Variants in ACCSL observed in about 807,000 individuals in gnomAD.
ACCSL encodes the protein probable inactive 1-aminocyclopropane-1-carboxylate synthase-like protein 2.
ACCSL carries 55 observed loss-of-function variants against 61.7 expected under a neutral mutation model. That is an observed-to-expected ratio of 0.89 (90% CI 0.72 to 1.12). ACCSL has a LOEUF of 1.12. ACCSL is among the 50% of genes most tolerant of loss of function. The probability of loss-of-function intolerance (pLI) is 0.00; values close to 1 mark genes in which losing one functional copy is unlikely to be tolerated. For missense variants in ACCSL, 632 were observed against 698.0 expected, an observed-to-expected ratio of 0.91 and a Z score of 1.07; for synonymous variants, 258 against 264.3, an observed-to-expected ratio of 0.98 and a Z score of 0.23.
the ACCSL span, among the ~76,000 whole-genome samples, chr11:44,032,658 G>A: frequency 9.9e-5 from 15 of 152,150 alleles, no homozygotes; most frequent in Non-Finnish European, 1.6e-4. Flanking sequence ...GGGAGCGGGC[G>A]GATACGTGGG....
the ACCSL span, among the ~76,000 whole-genome samples, chr11:43,994,179 A>G: frequency 6.6e-6 from 1 of 152,200 alleles, no homozygotes; most frequent in South Asian, 2.1e-4. Flanking sequence ...CATTTCTTTT[A>G]TTCACTTAAC....
the ACCSL span, among the ~76,000 whole-genome samples, chr11:44,031,131 C>T: frequency 2.5e-4 from 38 of 152,214 alleles, no homozygotes; most frequent in African/African-American, 8.2e-4. Context: ...TCATGTCCTC[C>T]GTAAAATGGG....
rs11037840 is a variant in ACCSL at position 44,048,169 on chromosome 11, G to A, written c.133G>A (p.Val45Met). 7,268 of 1,614,170 alleles carry A rather than the reference G, an allele frequency of 4.5e-3. 97 individuals carry two copies. The highest frequency in any genetic ancestry group is 0.04 in the East Asian group (1,787 of 44,868). Residue 45 changes from valine to methionine, a missense_variant, in exon 1 of 14, where the codon GTG (valine) becomes ATG (methionine). Val to Met is a conservative substitution (Grantham distance 21, BLOSUM62 1). Transcript: ENST00000378832. The part of the protein sequence containing the change: ...HLQQAMTEHF[V>M]QLTSRQGLSL... The stretch of plus-strand genomic sequence containing the variant: ...GCAGCAGGCCATGACGGAGCACTTC[G>A]TGCAGCTGACGAGCAGACAGGGCCT...
chr11:44,006,580 A>AGG, the ACCSL span, among the ~76,000 whole-genome samples: 1 of 138,374 alleles, frequency 7.2e-6, no homozygotes, highest in African/African-American at 2.8e-5. Flanking sequence ...ATCTCGGCTT[A>AGG]CTGCAGCCTC....
At chr11:44,006,426 G>T in the ACCSL span, among the ~76,000 whole-genome samples, 2 of 152,068 alleles carry the variant, frequency 1.3e-5, no homozygotes, top group Non-Finnish European at 2.9e-5. Flanking sequence ...TGCTGACTGC[G>T]TGACTTTGGG....
At chr11:44,021,293 T>C in the ACCSL span, among the ~76,000 whole-genome samples, 10,183 of 152,246 alleles carry the variant, frequency 0.067, 372 homozygotes, top group Middle Eastern at 0.095. Context: ...TATGTTTTGA[T>C]TTTTTATTTA....
At position 44,058,419 on chromosome 11, in the gene ACCSL, A is replaced by G. The variant is rs768021521; in HGVS notation, c.1430A>G (p.Asn477Ser). The change falls in exon 12 of 14, where the codon AAC becomes AGC. Residue 477 changes from asparagine to serine, a missense_variant. Coordinates refer to ENST00000378832, the MANE Select transcript of ACCSL (RefSeq NM_001031854.2). ...ELKALEIPFHNRSSGLYVWIN... is the reference protein window; with the variant it reads ...ELKALEIPFHSRSSGLYVWIN... ...AAGGCATTGGAGATCCCTTTTCACA[A>G]CCGCAGCTCTGGCCTCTATGTCTGG... is the stretch of plus-strand genomic sequence containing the variant. 6.2e-7 allele frequency: 1 copy of G among 1,614,112 alleles called. No homozygotes were observed. Among genetic ancestry groups the G allele is most frequent in the Non-Finnish European group, 8.5e-7 (1 of 1,180,022 alleles).
rs1291203048 is a variant in ACCSL, at chr11:44,050,063, G to A, written c.506G>A (p.Gly169Asp). The change falls in exon 2 of 14, where the codon GGT (glycine) becomes GAT (aspartate). Residue 169 changes from glycine to aspartate, a missense_variant and splice_region_variant. Transcript: ENST00000378832. ...DKYHKDKNTL[G>D]FINLGTSENK... ...ATCTTGGATTCCTTCCATCTCCAGG[G>A]TTTCATTAACCTTGGCACCAGTGAG... 1.9e-5 allele frequency: 30 copies of A among 1,614,036 alleles called. No homozygotes were observed. The highest frequency in any genetic ancestry group is 2.4e-5 in the Non-Finnish European group (28 of 1,180,042).
chr11:43,976,643 A>G, the ACCSL span, among the ~76,000 whole-genome samples: 2 of 152,246 alleles, frequency 1.3e-5, no homozygotes, highest in Non-Finnish European at 1.5e-5. Context: ...GCCATTTTCC[A>G]TGCTGGAGTC....
Position 44,048,239 on chromosome 11 carries a change from A to T in ACCSL, c.203A>T (p.Glu68Val). 1 of 1,614,138 alleles carries T rather than the reference A, an allele frequency of 6.2e-7. No individual in the cohort carries two copies. The highest frequency in any genetic ancestry group is 8.5e-7 in the Non-Finnish European group (1 of 1,180,020). The change falls in exon 1 of 14, where the codon GAA becomes GTA. Residue 68 changes from glutamate (E) to valine (V), a missense_variant. By Grantham distance (121) the Glu-to-Val change is moderately radical. Coordinates refer to ENST00000378832, the MANE Select transcript of ACCSL (RefSeq NM_001031854.2). ...RRHTEAICEH[E>V]ALLSRLICRM... The stretch of plus-strand genomic sequence containing the variant: ...CACACTGAGGCCATCTGTGAGCATG[A>T]AGCCCTTCTGAGTCGCTTAATATGC...
the ACCSL span, among the ~76,000 whole-genome samples, chr11:43,950,654 G>A: frequency 1.3e-5 from 2 of 152,228 alleles, no homozygotes; most frequent in South Asian, 4.1e-4. Flanking sequence ...GGGGGCACAG[G>A]GATGTGCCTA....
the ACCSL span, among the ~76,000 whole-genome samples, chr11:43,986,802 C>G: frequency 2.0e-5 from 3 of 152,218 alleles, no homozygotes; most frequent in African/African-American, 7.2e-5. Flanking sequence ...TTGTCTCCCC[C>G]ATAAGTGCAG....
chr11:43,946,252 C>G, the ACCSL span, among the ~76,000 whole-genome samples: 15 of 152,112 alleles, frequency 9.9e-5, no homozygotes, highest in Non-Finnish European at 1.9e-4. Context: ...GTAGTAGCCA[C>G]CATGCCCAGC....
chr11:44,055,501 G>A (rs1288107261), intron 9 of ACCSL, among the ~76,000 whole-genome samples: 5 of 152,224 alleles, frequency 3.3e-5, no homozygotes, highest in Admixed American at 3.3e-4. Flanking sequence ...TGAGGTCAAG[G>A]TAGAAAGTCT....
the ACCSL span, among the ~76,000 whole-genome samples, chr11:43,976,047 C>A: frequency 6.6e-6 from 1 of 152,050 alleles, no homozygotes; most frequent in Admixed American, 6.6e-5. Context: ...GTATAGGGGG[C>A]AAGATAACTT....
At chr11:44,039,804 A>G in the ACCSL span, among the ~76,000 whole-genome samples, 1 of 152,248 alleles carries the variant, frequency 6.6e-6, no homozygotes, top group Admixed American at 6.5e-5. Flanking sequence ...CTGGGGCTAC[A>G]GGCTGCCTTG....
chr11:44,037,608 G>A, the ACCSL span, among the ~76,000 whole-genome samples: 1 of 152,254 alleles, frequency 6.6e-6, no homozygotes, highest in Admixed American at 6.5e-5. Context: ...GCCCGCAGCA[G>A]AGAGGCTCCC....
At chr11:43,941,275 C>T in the ACCSL span, among the ~76,000 whole-genome samples, 2 of 152,270 alleles carry the variant, frequency 1.3e-5, no homozygotes, top group African/African-American at 4.8e-5. Context: ...TGTTCTTCTT[C>T]GTGTGTGTAT....
At chr11:44,001,830 T>TGTGTGTGTGTGTGG in the ACCSL span, among the ~76,000 whole-genome samples, 1 of 105,168 alleles carries the variant, frequency 9.5e-6, no homozygotes, top group Non-Finnish European at 2.0e-5. Flanking sequence ...TGTGTGTGTG[T>TGTGTGTGTGTGTGG]AGAGGGTGGG....
Sources: gnomAD v4.1 joint callset for allele counts (sites outside exome capture counted in the v4.1 genomes callset) on GRCh38, gnomAD v4.1.1 for gene constraint, MANE v1.5 for transcripts, NCBI Gene and HGNC (gene_info 2026-07-23, HGNC 2026-07-21) for gene names.